Variants in ZNF574 observed in about 807,000 individuals in gnomAD.
ZNF574 encodes zinc finger protein 574.
Under a neutral mutation model 56.6 loss-of-function variants are expected in ZNF574, and 25 were observed. That is an observed-to-expected ratio of 0.44 (90% CI 0.32 to 0.62). The LOEUF (loss-of-function observed/expected upper bound fraction) is 0.62, where lower values mean the gene tolerates loss of function less well. Ranked by LOEUF, ZNF574 falls within the 20% of genes least tolerant of loss-of-function variation. The pLI is 0.04. For missense variants in ZNF574, 1,065 were observed against 1,218.9 expected (o/e 0.87, Z 1.88); for synonymous variants, 543 against 492.1 (o/e 1.10, Z -1.37).
At chr19:42,076,456 G>A (rs1424196662) in intron 1 of ZNF574, among the ~76,000 whole-genome samples, 170 bp downstream of exon 1, 3 of 151,888 alleles carry the variant, frequency 2.0e-5, no homozygotes, top group Non-Finnish European at 4.4e-5. Flanking sequence ...GCGGGGGCCG[G>A]GCTGGAGCGG....
chr19:42,075,833 G>A (rs780360862), upstream of ZNF574, among the ~76,000 whole-genome samples: 62 of 152,152 alleles, frequency 4.1e-4, no homozygotes, highest in Non-Finnish European at 7.9e-4. Flanking sequence ...GCCGCGCTCC[G>A]CCGCCTAACG....
chr19:42,078,008 G>A (rs2076467495), intron 1 of ZNF574, among the ~76,000 whole-genome samples: 3 of 152,148 alleles, frequency 2.0e-5, no homozygotes, highest in Admixed American at 2.0e-4. Context: ...GTGTAAAGGG[G>A]AGGGGTGGCA....
chr19:42,078,835 C>G lies in ZNF574; in HGVS notation c.229C>G (p.Gln77Glu). The G allele has an allele frequency of 2.5e-6, 4 of 1,614,094 alleles. No homozygotes were observed. The highest frequency in any genetic ancestry group is 3.4e-6 in the Non-Finnish European group (4 of 1,179,984). Residue 77 changes from glutamine to glutamate, a missense_variant, in exon 2 of 2, where the codon CAG becomes GAG. Gln to Glu is a conservative substitution (Grantham distance 29). Coordinates refer to ENST00000359044, the MANE Select transcript of ZNF574 (RefSeq NM_022752.6). ...YQTLVQESQYQCLECGQLLMS... is the reference protein window; with the variant it reads ...YQTLVQESQYECLECGQLLMS... ...GACCCTTGTGCAGGAGAGCCAGTACCAGTGCCTGGAGTGTGGTCAACTGCT... is the reference window on the plus strand; with the variant it reads ...GACCCTTGTGCAGGAGAGCCAGTACGAGTGCCTGGAGTGTGGTCAACTGCT...
In ZNF574 at chr19:42,068,882, C is replaced by T. The variant is rs917127896; in HGVS notation, c.171C>T (p.Leu57=). The T allele has an allele frequency of 1.0e-5, 7 of 684,186 alleles. No homozygotes were observed. In the African/African-American group the frequency reaches 1.2e-4, roughly 12 times the overall value. 42.4% of individuals were successfully genotyped at this position (684,186 alleles called of 1,614,324 possible). A position where few individuals can be genotyped will look rare whatever the true frequency, so the allele number is the denominator to read the frequency against. ...CCCACCGCAGGCAGAGGATGAGGCT[C>T]AGAGGAACAGAAAGAGCCAGTCTGG... Residue 57 remains leucine (L), a synonymous_variant, in exon 1 of 2, where the codon CTC becomes CTT. Transcript: ENST00000222339.
upstream of ZNF574, among the ~76,000 whole-genome samples, chr19:42,073,188 C>A (rs189959582): frequency 9.8e-5 from 15 of 152,328 alleles, no homozygotes; most frequent in Non-Finnish European, 1.9e-4. Flanking sequence ...GGAATCCTGA[C>A]TCTTCCTAAC....
At position 42,079,535 on chromosome 19, in the gene ZNF574, T is replaced by G; in HGVS notation, c.929T>G (p.Phe310Cys). Reference protein sequence around the residue: ...EAGGAATQELFCSACDQLFLS... With the variant: ...EAGGAATQELCCSACDQLFLS... ...GGCGGGGCAGCCACACAGGAGCTCT[T>G]CTGCTCAGCCTGTGACCAGCTCTTT... The change falls in exon 2 of 2, where the codon TTC becomes TGC. Residue 310 changes from phenylalanine (F) to cysteine (C), a missense_variant. Phe to Cys is a radical substitution (Grantham distance 205, BLOSUM62 -2). Transcript: ENST00000359044. The surrounding 1 kb of genome is among the most constrained non-coding windows in gnomAD (Gnocchi z 4.3). 2 of 1,614,022 alleles carry G rather than the reference T, an allele frequency of 1.2e-6. No homozygotes were observed. Among genetic ancestry groups the G allele is most frequent in the East Asian group, 2.2e-5 (1 of 44,878 alleles).
chr19:42,080,923 A>G lies in ZNF574; in HGVS notation c.2317A>G (p.Lys773Glu). 6.2e-7 allele frequency: 1 copy of G among 1,614,140 alleles called. No homozygotes were observed. The change falls in exon 2 of 2, where the codon AAA (lysine) becomes GAA (glutamate). Residue 773 changes from lysine to glutamate, a missense_variant. Coordinates refer to ENST00000359044, the MANE Select transcript of ZNF574 (RefSeq NM_022752.6). The surrounding 1 kb of genome is among the most constrained non-coding windows in gnomAD (Gnocchi z 8.5). ...ERPYPCPDCGKAFRQSTHLKD... is the reference protein window; with the variant it reads ...ERPYPCPDCGEAFRQSTHLKD... ...GCCATACCCATGTCCAGACTGTGGC[A>G]AAGCGTTCCGTCAGAGTACCCACCT...
chr19:42,079,984 C>T lies in ZNF574; in HGVS notation c.1378C>T (p.Pro460Ser), dbSNP rs1158468664. The change falls in exon 2 of 2, where the codon CCC becomes TCC. Residue 460 changes from proline (P) to serine (S), a missense_variant. Pro to Ser is a moderately conservative substitution (Grantham distance 74, BLOSUM62 -1). Coordinates refer to ENST00000359044, the MANE Select transcript of ZNF574 (RefSeq NM_022752.6). The surrounding 1 kb of genome is among the most constrained non-coding windows in gnomAD (Gnocchi z 4.3). ...PPVSEETSAGPAAPGTYRCLL... is the reference protein window; with the variant it reads ...PPVSEETSAGSAAPGTYRCLL... ...TGTGTCTGAGGAGACCTCAGCAGGG[C>T]CCGCTGCCCCAGGCACCTACCGCTG... 3 of 1,613,748 alleles carry T rather than the reference C, an allele frequency of 1.9e-6. No homozygotes were observed. The highest frequency in any genetic ancestry group is 2.5e-6 in the Non-Finnish European group (3 of 1,180,042).
upstream of ZNF574, among the ~76,000 whole-genome samples, chr19:42,074,333 T>C (rs1186407744): frequency 3.4e-5 from 5 of 148,634 alleles, 1 homozygote; most frequent in South Asian, 4.2e-4. Flanking sequence ...CGAGCGCCTG[T>C]AGTCACAGGT....
chr19:42,073,825 A>G (rs1465159364), upstream of ZNF574, among the ~76,000 whole-genome samples: 1 of 146,458 alleles, frequency 6.8e-6, no homozygotes, highest in Non-Finnish European at 1.5e-5. Context: ...AAAAAAAAAA[A>G]AAAAAAAAAA....
upstream of ZNF574, among the ~76,000 whole-genome samples, chr19:42,072,918 C>G (rs572848950): frequency 1.3e-5 from 2 of 152,392 alleles, no homozygotes; most frequent in East Asian, 3.9e-4. Context: ...AAGCAAGAAT[C>G]TGCCCAAGGT....
chr19:42,073,698 C>A (rs1338730359), upstream of ZNF574, among the ~76,000 whole-genome samples: 2 of 150,764 alleles, frequency 1.3e-5, no homozygotes, highest in Non-Finnish European at 2.9e-5. Flanking sequence ...GCGGTGTATG[C>A]CTGTAATCCC....
At chr19:42,078,390 G>T (rs534493728) in intron 1 of ZNF574, among the ~76,000 whole-genome samples, 197 bp from the exon 2 acceptor site, 3 of 152,154 alleles carry the variant, frequency 2.0e-5, no homozygotes, top group Non-Finnish European at 4.4e-5. Flanking sequence ...CTGGGGAAGG[G>T]ACTGCCTGGG....
upstream of ZNF574, chr19:42,074,693 G>A (rs890801648): frequency 1.3e-5 from 2 of 152,076 alleles, no homozygotes; most frequent in Non-Finnish European, 2.9e-5. Context: ...CTGGTGTTAG[G>A]GAATTTAATC....
chr19:42,081,410 T>G lies in ZNF574; in HGVS notation c.*113T>G. 1 of 1,380,204 alleles carries G rather than the reference T, an allele frequency of 7.2e-7. No individual in the cohort carries two copies. The allele number at this position is 1,380,204 out of a possible 1,614,324, so 85.5% of individuals were successfully genotyped here. On this transcript the variant is annotated 3_prime_UTR_variant, in exon 2 of 2. Coordinates refer to ENST00000359044, the MANE Select transcript of ZNF574 (RefSeq NM_022752.6). ...CTTCCTCTTCCCATCCCCACCACCTTGTAAGTTCTAAATTGGATTTATTCT... is the reference window on the plus strand; with the variant it reads ...CTTCCTCTTCCCATCCCCACCACCTGGTAAGTTCTAAATTGGATTTATTCT...
upstream of ZNF574, among the ~76,000 whole-genome samples, chr19:42,074,176 G>T (rs965375329): frequency 3.4e-5 from 5 of 147,766 alleles, no homozygotes; most frequent in Non-Finnish European, 7.5e-5. Context: ...TTAAAAATAG[G>T]CCAGGTGCAG....
Position 42,080,016 on chromosome 19 carries a change from G to A in ZNF574, c.1410G>A (p.Leu470=), listed in dbSNP as rs1330775904. 2.5e-6 allele frequency: 4 copies of A among 1,614,012 alleles called. No homozygotes were observed. In the East Asian group the frequency reaches 6.7e-5, roughly 27 times the overall value. ...CCCCAGGCACCTACCGCTGCCTCCT[G>A]TGCAGCCGTGAATTTGGAAAGGCCT... ...PAAPGTYRCL[L]CSREFGKALQ... The change falls in exon 2 of 2, where the codon CTG becomes CTA. Residue 470 remains leucine, a synonymous_variant. Coordinates refer to ENST00000359044, the MANE Select transcript of ZNF574 (RefSeq NM_022752.6). The surrounding 1 kb of genome is among the most constrained non-coding windows in gnomAD (Gnocchi z 8.5).
Position 42,080,864 on chromosome 19 carries a change from T to C in ZNF574, c.2258T>C (p.Leu753Pro). ...AAGCTGTTCAGCACAGAGACGTCAC[T>C]GCAGGTGCACCGGCGCATCCACACA... ...CKKLFSTETS[L>P]QVHRRIHTGE... The change falls in exon 2 of 2, where the codon CTG becomes CCG. Residue 753 changes from leucine (L) to proline (P), a missense_variant. Leu to Pro is a moderately conservative substitution (Grantham distance 98). Coordinates refer to ENST00000359044, the MANE Select transcript of ZNF574 (RefSeq NM_022752.6). The surrounding 1 kb of genome is among the most constrained non-coding windows in gnomAD (Gnocchi z 8.5). 6.2e-7 allele frequency: 1 copy of C among 1,614,102 alleles called. No individual in the cohort carries two copies. The highest frequency in any genetic ancestry group is 1.1e-5 in the South Asian group (1 of 91,090).
At position 42,081,283 on chromosome 19, in the gene ZNF574, C is replaced by G. The variant is rs755002536; in HGVS notation, c.2677C>G (p.Gln893Glu). The G allele has an allele frequency of 1.9e-6, 3 of 1,613,990 alleles. No individual in the cohort carries two copies. The highest frequency in any genetic ancestry group is 2.5e-6 in the Non-Finnish European group (3 of 1,180,036). The change falls in exon 2 of 2, where the codon CAG (glutamine) becomes GAG (glutamate). Residue 893 changes from glutamine (Q) to glutamate (E), a missense_variant. By Grantham distance (29) the Gln-to-Glu change is conservative. Transcript: ENST00000359044. The part of the protein sequence containing the change: ...IYPLAEAEGV[Q>E]ISG ...CCCTCTGGCCGAGGCTGAGGGGGTC[C>G]AGATCAGTGGCTGACTCTGCCCGAC...
Sources: allele counts gnomAD v4.1 joint callset (sites outside exome capture counted in the v4.1 genomes callset), GRCh38; gene constraint gnomAD v4.1.1; non-coding constraint Gnocchi (gnomAD v3.1); transcripts MANE v1.5; gene names NCBI Gene and HGNC (gene_info 2026-07-23, HGNC 2026-07-21).